Variants in BCORL1 observed in about 807,000 individuals in gnomAD.
BCORL1 encodes BCL6 corepressor like 1.
A neutral mutation model predicts 87.6 loss-of-function variants in BCORL1; 7 were observed. The observed-to-expected ratio is 0.08, with a 90% CI of 0.05 to 0.15. BCORL1 has a LOEUF of 0.15. Among genes scored for constraint, BCORL1 ranks in the 10% least tolerant of loss-of-function variants. The pLI, the probability that BCORL1 is intolerant of heterozygous loss-of-function variation, is 1.00. For missense variants in BCORL1, 1,215 were observed against 1,499.7 expected, an observed-to-expected ratio of 0.81 and a Z score of 3.13; for synonymous variants, 591 against 634.4, an observed-to-expected ratio of 0.93 and a Z score of 1.03.
intron 1 of BCORL1, among the ~76,000 whole-genome samples, chrX:129,989,302 A>ATTT (rs34124916): frequency 2.1e-4 from 15 of 71,705 alleles, no homozygotes; most frequent in Admixed American, 3.2e-4. Flanking sequence ...TGCCCGGCTA[A>ATTT]TTTTTTTTTT....
Position 130,014,856 on chromosome X carries a change from G to A in BCORL1, c.2084G>A (p.Arg695Lys). 8.3e-7 allele frequency: 1 copy of A among 1,211,807 alleles called. No homozygotes were observed. The highest frequency in any genetic ancestry group is 1.8e-5 in the South Asian group (1 of 56,972). Residue 695 changes from arginine to lysine, a missense_variant, in exon 4 of 14, where the codon AGG (arginine) becomes AAG (lysine). By Grantham distance (26) the Arg-to-Lys change is conservative (BLOSUM62 2). Around this residue, in one of 5 missense-constraint regions of BCORL1, gnomAD observed 861 missense variants for 1,010.0 expected, o/e 0.85. Transcript: ENST00000540052. The part of the protein sequence containing the change: ...SPFVIFPEIV[R>K]NGDPSTWVKN... Reference sequence around the variant, plus strand: ...TTTGTCATCTTTCCCGAGATCGTGAGGAATGGGGACCCGAGCACCTGGGTG... The same window carrying A: ...TTTGTCATCTTTCCCGAGATCGTGAAGAATGGGGACCCGAGCACCTGGGTG...
At chrX:130,012,808 A>G in intron 3 of BCORL1, 140 bp downstream of exon 3, 19 of 1,027,513 alleles carry the variant, frequency 1.8e-5, no homozygotes, top group Non-Finnish European at 2.4e-5. Flanking sequence ...GTGGGACACA[A>G]ATTGGCTGGC....
At position 130,014,044 on chromosome X, in the gene BCORL1, A is replaced by G. The variant is rs766743363; in HGVS notation, c.1272A>G (p.Ala424=). The change falls in exon 4 of 14, where the codon GCA becomes GCG. Residue 424 remains alanine (A), a synonymous_variant. Coordinates refer to ENST00000540052, the MANE Select transcript of BCORL1 (RefSeq NM_001379451.1). The part of the protein sequence containing the change: ...SFSLSRVCFP[A]AQAPAMQKVP... The stretch of plus-strand genomic sequence containing the variant: ...GTTTGAGTAGAGTGTGCTTTCCTGC[A>G]GCTCAGGCACCAGCTATGCAAAAAG... The G allele has an allele frequency of 5.6e-5, 67 of 1,206,515 alleles. 1 individual carries two copies. In the Admixed American group the frequency reaches 1.3e-3, roughly 24 times the overall value.
chrX:130,054,752 A>T (rs971284968), intron 13 of BCORL1, among the ~76,000 whole-genome samples: 2 of 110,443 alleles, frequency 1.8e-5, no homozygotes, highest in Admixed American at 1.9e-4. Context: ...TCTCTACTAA[A>T]ATACAAAAAT....
At chrX:130,048,757 C>T (rs936804338) in intron 11 of BCORL1, among the ~76,000 whole-genome samples, 2 of 112,338 alleles carry the variant, frequency 1.8e-5, no homozygotes, top group African/African-American at 6.5e-5. Flanking sequence ...CCACCACTAT[C>T]TAGTTTTGAA....
At chrX:130,043,773 TATATA>T (rs1931528989) in intron 11 of BCORL1, among the ~76,000 whole-genome samples, 3 of 23,306 alleles carry the variant, frequency 1.3e-4, no homozygotes, top group African/African-American at 8.6e-4. Flanking sequence ...TATATATATA[TATATA>T]TATATATTTT....
chrX:130,025,633 C>T (rs1481411308), intron 7 of BCORL1, among the ~76,000 whole-genome samples: 1 of 111,183 alleles, frequency 9.0e-6, no homozygotes, highest in African/African-American at 3.3e-5. Context: ...GAAGTCTGAA[C>T]CTGTGGGCAA....
intron 12 of BCORL1, among the ~76,000 whole-genome samples, 195 bp downstream of exon 12, chrX:130,050,989 C>A (rs1330816132): frequency 9.0e-6 from 1 of 111,699 alleles, no homozygotes; most frequent in Non-Finnish European, 1.9e-5. Flanking sequence ...ACACAGCCAT[C>A]CCTCACTAGC....
chrX:130,031,288 G>T (rs1356581270), intron 8 of BCORL1, among the ~76,000 whole-genome samples: 1 of 112,501 alleles, frequency 8.9e-6, no homozygotes, highest in Non-Finnish European at 1.9e-5. Flanking sequence ...TCCTGCTAGG[G>T]CTTGTACCTC....
intron 1 of BCORL1, among the ~76,000 whole-genome samples, chrX:130,002,579 A>C: frequency 1.0e-5 from 1 of 97,764 alleles, no homozygotes; most frequent in African/African-American, 3.8e-5. Flanking sequence ...AAGGAGGGGG[A>C]GAGGGAGGAG....
chrX:130,039,271 G>A lies in BCORL1; in HGVS notation c.4829G>A (p.Arg1610His), dbSNP rs372398885. 22 of 1,208,091 alleles carry A rather than the reference G, an allele frequency of 1.8e-5. No homozygotes were observed. Among genetic ancestry groups the A allele is most frequent in the Middle Eastern group, 2.3e-4 (1 of 4,350 alleles). Residue 1610 changes from arginine (R) to histidine (H), a missense_variant, in exon 11 of 14, where the codon CGC becomes CAC. Physicochemically the swap from Arg to His is conservative, Grantham distance 29 (BLOSUM62 0). Around this residue, in one of 5 missense-constraint regions of BCORL1, gnomAD observed 129 missense variants for 157.5 expected, o/e 0.82. Transcript: ENST00000540052. ...MKLASSDTMK[R>H]FLSDHLSDLQ... is the part of the protein sequence containing the mutation. ...CTGGCCAGCAGCGACACCATGAAGCGCTTTCTCAGTGGTAAGCATGGTCCA... is the reference window on the plus strand; with the variant it reads ...CTGGCCAGCAGCGACACCATGAAGCACTTTCTCAGTGGTAAGCATGGTCCA...
At chrX:130,043,636 G>A (rs1379777954) in intron 11 of BCORL1, among the ~76,000 whole-genome samples, 21 of 102,125 alleles carry the variant, frequency 2.1e-4, no homozygotes, top group African/African-American at 5.7e-4. Context: ...GTGCAATGGC[G>A]CAATCTTGGC....
chrX:130,039,740 G>A (rs771155083), intron 11 of BCORL1, among the ~76,000 whole-genome samples: 50 of 113,047 alleles, frequency 4.4e-4, no homozygotes, highest in Non-Finnish European at 7.9e-4. Context: ...GATGCTTCCC[G>A]AAGCTTCATT....
intron 8 of BCORL1, among the ~76,000 whole-genome samples, chrX:130,030,484 T>C (rs61591078): frequency 0.11 from 12,204 of 111,082 alleles, 1,682 homozygotes; most frequent in African/African-American, 0.38. Context: ...TGCGAGGTTA[T>C]TGGGTGGTCC....
Position 130,014,545 on chromosome X carries a change from A to G in BCORL1, c.1773A>G (p.Thr591=). The G allele has an allele frequency of 1.7e-6, 2 of 1,211,686 alleles. No individual in the cohort carries two copies. The highest frequency in any genetic ancestry group is 2.2e-6 in the Non-Finnish European group (2 of 895,474). Residue 591 remains threonine (T), a synonymous_variant, in exon 4 of 14, where the codon ACA becomes ACG. Transcript: ENST00000540052. ...TGCCCAGTGGCACCGAGCAGCAAAC[A>G]GAAGGGACTTCCGTTACCTTCTCTC... ...AKMPSGTEQQ[T]EGTSVTFSPL... is the part of the protein sequence containing the mutation.
chrX:130,005,280 T>G lies in BCORL1; in HGVS notation c.49T>G (p.Ser17Ala). ...CAGCGGCGTGCACAACTGGACCAGTTCTGACCGGATTCGCATGTGTGGCAT... is the reference window on the plus strand; with the variant it reads ...CAGCGGCGTGCACAACTGGACCAGTGCTGACCGGATTCGCATGTGTGGCAT... ...LYSGVHNWTS[S>A]DRIRMCGINE... The change falls in exon 2 of 14, where the codon TCT becomes GCT. Residue 17 changes from serine (S) to alanine (A), a missense_variant. Transcript: ENST00000540052. 1 of 1,211,716 alleles carries G rather than the reference T, an allele frequency of 8.3e-7. No homozygotes were observed. The highest frequency in any genetic ancestry group is 3.0e-5 in the East Asian group (1 of 33,849).
chrX:129,998,105 C>T (rs1051791664), intron 1 of BCORL1, among the ~76,000 whole-genome samples: 29 of 109,446 alleles, frequency 2.6e-4, no homozygotes, highest in Non-Finnish European at 4.9e-4. Context: ...TGAGTTTTTT[C>T]CCCCAAAGTA....
At chrX:130,039,885 A>G (rs1931211600) in intron 11 of BCORL1, among the ~76,000 whole-genome samples, 1 of 112,844 alleles carries the variant, frequency 8.9e-6, no homozygotes, top group Admixed American at 9.3e-5. Context: ...AAGGGCCACA[A>G]GCCAACATGC....
Position 130,014,662 on chromosome X carries a change from C to T in BCORL1, c.1890C>T (p.Arg630=), listed in dbSNP as rs755701178. Residue 630 remains arginine (R), a synonymous_variant, in exon 4 of 14, where the codon CGC becomes CGT. Transcript: ENST00000540052. ...MPLDLSSKSN[R]QKLPLPNQRK... is the part of the protein sequence containing the mutation. ...TTGATCTGTCCTCCAAGTCCAACCG[C>T]CAGAAGCTTCCATTGCCGAACCAGC... The T allele has an allele frequency of 2.5e-6, 3 of 1,209,218 alleles. No homozygotes were observed. In the South Asian group the frequency reaches 5.3e-5, roughly 21 times the overall value.
Sources: gnomAD v4.1 joint callset for allele counts (sites outside exome capture counted in the v4.1 genomes callset) on GRCh38, gnomAD v4.1.1 for gene constraint, gnomAD v4.1.1 regional missense constraint, MANE v1.5 for transcripts, NCBI Gene and HGNC (gene_info 2026-07-23, HGNC 2026-07-21) for gene names.